The following WDR49 variants were observed in gnomAD, a reference collection of about 807,000 sequenced individuals.
WDR49 encodes the protein cilia- and flagella-associated protein 337.
In WDR49, 107 loss-of-function variants were observed where a neutral mutation model predicts 119.5. The observed-to-expected ratio is 0.90, with a 90% CI of 0.77 to 1.05. WDR49 has a LOEUF of 1.05. WDR49 is among the 50% of genes least tolerant of loss of function. The probability of loss-of-function intolerance (pLI) is 0.00; values close to 1 mark genes in which losing one functional copy is unlikely to be tolerated. For synonymous variants in WDR49, 425 were observed against 418.8 expected (o/e 1.01, Z -0.18); for missense variants, 1,240 against 1,220.5 (o/e 1.02, Z -0.24).
intron 18 of WDR49, among the ~76,000 whole-genome samples, chr3:167,481,588 T>C (rs763398377): frequency 7.2e-5 from 11 of 152,192 alleles, no homozygotes; most frequent in African/African-American, 1.7e-4. Context: ...CTTGTATTAA[T>C]TCGCTTTCAC....
intron 18 of WDR49, among the ~76,000 whole-genome samples, chr3:167,495,337 A>T (rs760113082): frequency 0.18 from 26,829 of 151,620 alleles, 3,528 homozygotes; most frequent in African/African-American, 0.37. Flanking sequence ...TGGCATTCTA[A>T]AACTGAAAGT....
intron 16 of WDR49, among the ~76,000 whole-genome samples, chr3:167,510,806 T>C: frequency 6.6e-6 from 1 of 152,146 alleles, no homozygotes; most frequent in Admixed American, 6.5e-5. Context: ...CTATTTTCTT[T>C]AGACTTTTTC....
intron 18 of WDR49, 43 bp downstream of exon 18, chr3:167,500,110 C>T (rs767384799): frequency 6.7e-7 from 1 of 1,487,574 alleles, no homozygotes; most frequent in East Asian, 2.5e-5. Context: ...GACTAAGTTT[C>T]CTGAAGAGGG....
chr3:167,587,628 G>A (rs1714887193), intron 7 of WDR49, among the ~76,000 whole-genome samples: 1 of 152,038 alleles, frequency 6.6e-6, no homozygotes, highest in East Asian at 1.9e-4. Context: ...TGGGACTACA[G>A]GTGTGCGCCA....
intron 7 of WDR49, among the ~76,000 whole-genome samples, chr3:167,597,376 G>T (rs529403761): frequency 2.0e-5 from 3 of 152,348 alleles, no homozygotes; most frequent in South Asian, 4.1e-4. Context: ...AAAATGCCTG[G>T]ATGTCCAGGC....
At chr3:167,598,426 C>T (rs886736911) in intron 7 of WDR49, among the ~76,000 whole-genome samples, 1 of 152,152 alleles carries the variant, frequency 6.6e-6, no homozygotes, top group Non-Finnish European at 1.5e-5. Context: ...AAATTGTAAT[C>T]CCCATGTGTC....
At chr3:167,529,314 C>A (rs1752757871) in intron 13 of WDR49, 75 bp from the exon 14 acceptor site, 2 of 1,355,204 alleles carry the variant, frequency 1.5e-6, no homozygotes, top group South Asian at 3.0e-5. Flanking sequence ...GTGGCTTTCC[C>A]TGTGGAAAGC....
At chr3:167,492,438 TAAATTCTTTATGCCAC>T (rs1751177190) in intron 18 of WDR49, among the ~76,000 whole-genome samples, 1 of 152,124 alleles carries the variant, frequency 6.6e-6, no homozygotes, top group African/African-American at 2.4e-5. Context: ...GTCAATTATT[TAAATTCTTTATGCCAC>T]AAATTCTTTA....
intron 18 of WDR49, among the ~76,000 whole-genome samples, chr3:167,494,862 T>C (rs2108203033): frequency 6.6e-6 from 1 of 152,210 alleles, no homozygotes; most frequent in South Asian, 2.1e-4. Context: ...AGTTTTGCAG[T>C]ACGTGGGAGA....
At chr3:167,652,951 A>G (rs1481754220) in intron 2 of WDR49, among the ~76,000 whole-genome samples, 1 of 152,148 alleles carries the variant, frequency 6.6e-6, no homozygotes, top group Non-Finnish European at 1.5e-5. Context: ...CACAGCCATA[A>G]TTTTTTGTTT....
At chr3:167,611,949 AACGT>A (rs1433365300) in intron 5 of WDR49, among the ~76,000 whole-genome samples, 1 of 151,726 alleles carries the variant, frequency 6.6e-6, no homozygotes, top group African/African-American at 2.4e-5. Flanking sequence ...AAAATCAACA[AACGT>A]CAGACTTAAT....
intron 10 of WDR49, among the ~76,000 whole-genome samples, chr3:167,541,778 C>T (rs1228397994): frequency 2.0e-5 from 3 of 152,062 alleles, no homozygotes; most frequent in Non-Finnish European, 4.4e-5. Context: ...TAAAAATCCA[C>T]CAGTCAAGTA....
intron 10 of WDR49, among the ~76,000 whole-genome samples, chr3:167,544,752 G>A (rs185008256): frequency 1.3e-3 from 201 of 151,772 alleles, no homozygotes; most frequent in African/African-American, 4.6e-3. Flanking sequence ...GAAGAACATG[G>A]GAAAAACTCT....
chr3:167,540,050 TC>T (rs1711688654), intron 10 of WDR49, among the ~76,000 whole-genome samples: 1 of 152,090 alleles, frequency 6.6e-6, no homozygotes, highest in Non-Finnish European at 1.5e-5. Flanking sequence ...ACTGGTGCTT[TC>T]TCAAAAGCAC....
At chr3:167,501,200 A>C (rs1751551939) in intron 17 of WDR49, among the ~76,000 whole-genome samples, 1 of 152,166 alleles carries the variant, frequency 6.6e-6, no homozygotes, top group Non-Finnish European at 1.5e-5. Context: ...CTCTTTGAAA[A>C]CTAATGTGCT....
intron 9 of WDR49, among the ~76,000 whole-genome samples, chr3:167,559,011 C>G (rs1713107801): frequency 6.6e-6 from 1 of 152,146 alleles, no homozygotes; most frequent in South Asian, 2.1e-4. Context: ...AACTAGATTA[C>G]TTTACTTAAA....
Position 167,621,558 on chromosome 3 carries a change from C to T in WDR49, c.692G>A (p.Gly231Asp), listed in dbSNP as rs1468567216. Residue 231 changes from glycine (G) to aspartate (D), a missense_variant, in exon 4 of 19, where the codon GGC (glycine) becomes GAC (aspartate). Gly to Asp is a moderately conservative substitution (Grantham distance 94, BLOSUM62 -1). Transcript: ENST00000682715. The stretch of plus-strand genomic sequence containing the variant: ...CATGCAAATTGGTGTTCCTTTCAGG[C>T]CTTGGAGTTTGTATTGGCAAGCAAA... Reference protein sequence around the residue: ...EEFACQYKLQGLKGTPICMDY... With the variant: ...EEFACQYKLQDLKGTPICMDY... The T allele has an allele frequency of 2.7e-5, 42 of 1,535,374 alleles. No individual in the cohort carries two copies. The highest frequency in any genetic ancestry group is 3.7e-5 in the Non-Finnish European group (42 of 1,146,466).
rs1751120982 is a variant in WDR49, at chr3:167,491,225, C to A, written c.3031+8928G>T. On this transcript the variant is annotated intron_variant, in intron 18 of 18. Transcript: ENST00000682715. ...GCCCCACCCGGGAGCTTTAGAATCA[C>A]TTTTAGGTTGTTCAGCAATGAGTGA... Among the ~76,000 whole-genome samples the A allele has an allele frequency of 2.6e-5, 4 of 152,210 alleles. No individual in the cohort carries two copies. In the South Asian group the frequency reaches 8.3e-4, roughly 32 times the overall value.
chr3:167,495,818 A>G (rs1751331046), intron 18 of WDR49, among the ~76,000 whole-genome samples: 1 of 151,212 alleles, frequency 6.6e-6, no homozygotes, highest in Admixed American at 6.6e-5. Context: ...TGCATCAATA[A>G]CATTAAGAGC....
Sources: gnomAD v4.1 joint callset for allele counts (sites outside exome capture counted in the v4.1 genomes callset) on GRCh38, gnomAD v4.1.1 for gene constraint, MANE v1.5 for transcripts, NCBI Gene and HGNC (gene_info 2026-07-23, HGNC 2026-07-21) for gene names.